NRCAM: variants seen among roughly 807,000 people sequenced by gnomAD.
NRCAM encodes the protein NgCAM-related cell adhesion molecule.
A neutral mutation model predicts 156.5 loss-of-function variants in NRCAM; 83 were observed. The ratio of observed to expected loss-of-function variants is 0.53; its 90% confidence interval spans 0.44 to 0.64. The LOEUF is 0.64. Among genes scored for constraint, NRCAM ranks in the 30% least tolerant of loss-of-function variants. NRCAM has a pLI of 0.00. For missense variants in NRCAM, 1,417 were observed against 1,597.3 expected (o/e 0.89, Z 1.92); for synonymous variants, 538 against 563.9 (o/e 0.95, Z 0.65).
At chr7:108,279,858 C>G (rs1285249516) in intron 3 of NRCAM, among the ~76,000 whole-genome samples, 2 of 152,028 alleles carry the variant, frequency 1.3e-5, no homozygotes, top group African/African-American at 4.8e-5. Context: ...CCATGCCCAG[C>G]CTGCAACACC....
chr7:108,233,693 T>C (rs1041770369), intron 6 of NRCAM, among the ~76,000 whole-genome samples: 1 of 152,170 alleles, frequency 6.6e-6, no homozygotes, highest in Non-Finnish European at 1.5e-5. Context: ...CAGTTAATTT[T>C]TTCTCAGGGG....
chr7:108,300,016 A>G (rs528883304), intron 3 of NRCAM, among the ~76,000 whole-genome samples: 3 of 152,340 alleles, frequency 2.0e-5, no homozygotes, highest in South Asian at 2.1e-4. Context: ...TGTCTAGCAC[A>G]TGGTAAGCCT....
intron 3 of NRCAM, among the ~76,000 whole-genome samples, chr7:108,295,169 G>C (rs1210192994): frequency 6.6e-6 from 1 of 152,166 alleles, no homozygotes; most frequent in Non-Finnish European, 1.5e-5. Context: ...TTGGGATTAA[G>C]TTTTATTTAA....
Position 108,158,733 on chromosome 7 carries a change from C to T in NRCAM, c.3677+730G>A, listed in dbSNP as rs527389386. The stretch of plus-strand genomic sequence containing the variant: ...TATACTTTTAGAATAACAGAATGCC[C>T]ACATTTTATTTAAATAAATACGTAC... On this transcript the variant is annotated intron_variant, in intron 32 of 32. Coordinates refer to ENST00000379028, the MANE Select transcript of NRCAM (RefSeq NM_001037132.4). Among the ~76,000 whole-genome samples the T allele has an allele frequency of 4.6e-5, 7 of 152,106 alleles. No individual in the cohort carries two copies. In the South Asian group the frequency reaches 1.5e-3, roughly 32 times the overall value.
intron 8 of NRCAM, among the ~76,000 whole-genome samples, chr7:108,227,777 TG>T (rs2093713053): frequency 6.6e-6 from 1 of 152,186 alleles, no homozygotes; most frequent in Non-Finnish European, 1.5e-5. Context: ...ACAGGGTTTT[TG>T]CAGTGTAAGT....
chr7:108,176,562 G>A lies in NRCAM; in HGVS notation c.3019C>T (p.Pro1007Ser), dbSNP rs781769384. 1.9e-6 allele frequency: 3 copies of A among 1,613,598 alleles called. No individual in the cohort carries two copies. The highest frequency in any genetic ancestry group is 2.5e-6 in the Non-Finnish European group (3 of 1,179,792). Reference sequence around the variant, plus strand: ...AAAGTCCACCGTGTCTTGTTGGCAGGAATTTTCAAATCTACCAGAGGGCCT... The same window carrying A: ...AAAGTCCACCGTGTCTTGTTGGCAGAAATTTTCAAATCTACCAGAGGGCCT... Reference protein sequence around the residue: ...ELGPLVDLKIPANKTRWTLKN... With the variant: ...ELGPLVDLKISANKTRWTLKN... The change falls in exon 27 of 33, where the codon CCT becomes TCT. Residue 1007 changes from proline to serine, a missense_variant. Around this residue, in one of 2 missense-constraint regions of NRCAM, gnomAD observed 1,238 missense variants for 1,336.4 expected, o/e 0.93. Coordinates refer to ENST00000379028, the MANE Select transcript of NRCAM (RefSeq NM_001037132.4).
At chr7:108,399,746 A>C (rs1293692286) in intron 1 of NRCAM, among the ~76,000 whole-genome samples, 153 bp from the exon 2 acceptor site, 1 of 152,248 alleles carries the variant, frequency 6.6e-6, no homozygotes, top group Non-Finnish European at 1.5e-5. Flanking sequence ...GCATTATTGT[A>C]CTTAATGACA....
At chr7:108,434,142 G>A (rs1299141345) in intron 1 of NRCAM, among the ~76,000 whole-genome samples, 1 of 152,196 alleles carries the variant, frequency 6.6e-6, no homozygotes, top group Non-Finnish European at 1.5e-5. Flanking sequence ...CAGTGAGTCT[G>A]TGGCAGTGAT....
chr7:108,377,914 G>A (rs535530401), intron 2 of NRCAM, among the ~76,000 whole-genome samples: 129 of 152,290 alleles, frequency 8.5e-4, no homozygotes, highest in African/African-American at 2.4e-3. Context: ...TACATTCTCT[G>A]TATGACATCC....
chr7:108,181,990 T>G, intron 23 of NRCAM, 53 bp from the exon 24 acceptor site: 1 of 1,334,222 alleles, frequency 7.5e-7, no homozygotes, highest in Non-Finnish European at 1.1e-6. Context: ...TTTAATTTCA[T>G]CCATAAATAT....
chr7:108,236,337 G>A (rs930195021), intron 5 of NRCAM, among the ~76,000 whole-genome samples: 1 of 152,172 alleles, frequency 6.6e-6, no homozygotes, highest in Non-Finnish European at 1.5e-5. Context: ...CATTTATTGT[G>A]TACTATTATA....
intron 20 of NRCAM, among the ~76,000 whole-genome samples, chr7:108,188,351 T>C (rs2068575218): frequency 1.3e-5 from 2 of 151,446 alleles, no homozygotes; most frequent in African/African-American, 4.9e-5. Flanking sequence ...TTACAGCAGG[T>C]TCGCCCTTGA....
At chr7:108,448,697 G>A (rs193064077) in intron 1 of NRCAM, among the ~76,000 whole-genome samples, 84 of 152,156 alleles carry the variant, frequency 5.5e-4, no homozygotes, top group African/African-American at 1.9e-3. Context: ...TTTTCAATCA[G>A]ATGCTGCCTA....
intron 11 of NRCAM, 71 bp from the exon 12 acceptor site, chr7:108,209,676 T>C: frequency 9.4e-7 from 1 of 1,060,914 alleles, no homozygotes; most frequent in South Asian, 1.5e-5. Flanking sequence ...GGATGAATTT[T>C]CATGCAACTT....
chr7:108,160,304 T>C, intron 31 of NRCAM, 57 bp downstream of exon 31: 2 of 1,506,708 alleles, frequency 1.3e-6, no homozygotes, highest in South Asian at 2.3e-5. Context: ...CATGATCTTT[T>C]TAGTTTAATG....
At chr7:108,426,783 G>C (rs571455970) in intron 1 of NRCAM, among the ~76,000 whole-genome samples, 2 of 152,296 alleles carry the variant, frequency 1.3e-5, no homozygotes, top group East Asian at 3.9e-4. Context: ...GACTTCAAAA[G>C]CCATAAATAT....
At chr7:108,426,290 T>C (rs1326980859) in intron 1 of NRCAM, among the ~76,000 whole-genome samples, 1 of 152,250 alleles carries the variant, frequency 6.6e-6, no homozygotes, top group Non-Finnish European at 1.5e-5. Context: ...ACTCTAGATG[T>C]TACATGGGGA....
chr7:108,218,154 C>T (rs1588731565), intron 11 of NRCAM, among the ~76,000 whole-genome samples: 1 of 148,100 alleles, frequency 6.8e-6, no homozygotes, highest in Non-Finnish European at 1.5e-5. Context: ...TGGCACAGTC[C>T]CTCACGGCTT....
chr7:108,237,788 CA>C lies in NRCAM; in HGVS notation c.107-20del. 6.3e-7 allele frequency: 1 copy of C among 1,586,554 alleles called. No individual in the cohort carries two copies. The highest frequency in any genetic ancestry group is 8.6e-7 in the Non-Finnish European group (1 of 1,166,016). ...AGTTTTGCTTTTTCCCCATCAATAT[CA>C]GCAGGTAAGTGGGCAAAGAGGATTA... is the stretch of plus-strand genomic sequence containing the variant. On this transcript the variant is annotated intron_variant, in intron 4 of 32. Transcript: ENST00000379028.
Sources: gnomAD v4.1 joint callset for allele counts (sites outside exome capture counted in the v4.1 genomes callset) on GRCh38, gnomAD v4.1.1 for gene constraint, gnomAD v4.1.1 regional missense constraint, MANE v1.5 for transcripts, NCBI Gene and HGNC (gene_info 2026-07-23, HGNC 2026-07-21) for gene names.